The following BOLA3 variants were observed in gnomAD, a reference collection of about 807,000 sequenced individuals.
BOLA3 encodes bolA family member 3, also known as bolA-like protein 3.
Under a neutral mutation model 14.5 loss-of-function variants are expected in BOLA3, and 8 were observed. That is an observed-to-expected ratio of 0.55 (90% CI 0.32 to 0.99). BOLA3 has a LOEUF of 0.99. BOLA3 is among the 50% of genes least tolerant of loss of function. BOLA3 has a pLI of 0.04. For synonymous variants in BOLA3, 42 were observed against 45.7 expected (o/e 0.92, Z 0.33); for missense variants, 115 against 138.2 (o/e 0.83, Z 0.84).
chr2:74,144,503 G>A (rs929625867), intron 2 of BOLA3, among the ~76,000 whole-genome samples: 1 of 152,144 alleles, frequency 6.6e-6, no homozygotes, highest in Non-Finnish European at 1.5e-5. Context: ...CACGCCACGG[G>A]CCGTTCTGTG....
chr2:74,147,596 G>A (rs1692570486), intron 1 of BOLA3: 2 of 577,462 alleles, frequency 3.5e-6, no homozygotes, highest in Non-Finnish European at 6.1e-6. Flanking sequence ...CACCCAGCTC[G>A]GGAGCTCCCC....
chr2:74,147,878 C>T lies in BOLA3; in HGVS notation c.-4G>A. The T allele has an allele frequency of 3.3e-6, 5 of 1,516,244 alleles. No homozygotes were observed. The highest frequency in any genetic ancestry group is 1.2e-5 in the South Asian group (1 of 81,960). 93.9% of individuals were successfully genotyped at this position (1,516,244 alleles called of 1,614,324 possible). On this transcript the variant is annotated 5_prime_UTR_variant, in exon 1 of 4. Coordinates refer to ENST00000327428, the MANE Select transcript of BOLA3 (RefSeq NM_212552.3). ...CGGCCGGGCTCCATGCAGCCATGCC[C>T]GGCCGACGTGACCCGCCGCCCGAGG...
chr2:74,137,588 A>T (rs1441013114), intron 3 of BOLA3, among the ~76,000 whole-genome samples: 1 of 139,146 alleles, frequency 7.2e-6, no homozygotes, highest in African/African-American at 3.1e-5. Context: ...TATTTAATTA[A>T]AAAAAAAAAA....
rs189030179 is a variant in BOLA3 at position 74,140,646 on chromosome 2, A to G, written c.258+1626T>C. ...AAGACCGTGAGGTGACACTCCCCCA[A>G]ACTGTGGGAATCACAGCCCTTCCCC... is the stretch of plus-strand genomic sequence containing the variant. On this transcript the variant is annotated intron_variant, in intron 3 of 3. Coordinates refer to ENST00000327428, the MANE Select transcript of BOLA3 (RefSeq NM_212552.3). Among the ~76,000 whole-genome samples the G allele has an allele frequency of 1.8e-4, 27 of 152,316 alleles. No individual in the cohort carries two copies. In the East Asian group the frequency reaches 3.9e-3, roughly 22 times the overall value.
chr2:74,135,613 T>C lies in BOLA3; in HGVS notation c.304A>G (p.Thr102Ala). The change falls in exon 4 of 4, where the codon ACC becomes GCC. Residue 102 changes from threonine to alanine, a missense_variant. Physicochemically the swap from Thr to Ala is moderately conservative, Grantham distance 58 (BLOSUM62 0). Transcript: ENST00000327428. The stretch of plus-strand genomic sequence containing the variant: ...CGTGGTCAGCGTTTGGGGACAGAGG[T>C]AAATATCCGCAATCCATGCATCTCT... The part of the protein sequence containing the change: ...IKEMHGLRIF[T>A]SVPKR 2 of 1,614,112 alleles carry C rather than the reference T, an allele frequency of 1.2e-6. No individual in the cohort carries two copies. Among genetic ancestry groups the C allele is most frequent in the Non-Finnish European group, 1.7e-6 (2 of 1,179,976 alleles).
At chr2:74,136,002 T>A (rs1267405634) in intron 3 of BOLA3, among the ~76,000 whole-genome samples, 1 of 149,536 alleles carries the variant, frequency 6.7e-6, no homozygotes. Context: ...GAAGTTGGAG[T>A]GCAGTGGCGC....
chr2:74,147,384 G>A (rs1692564673), intron 1 of BOLA3: 3 of 245,568 alleles, frequency 1.2e-5, no homozygotes, highest in Non-Finnish European at 2.4e-5. Context: ...GTTCTGCTCC[G>A]GTAGTGTGGG....
intron 3 of BOLA3, among the ~76,000 whole-genome samples, chr2:74,139,097 C>T (rs1046194966): frequency 2.0e-5 from 3 of 152,124 alleles, no homozygotes; most frequent in South Asian, 2.1e-4. Flanking sequence ...CTGAGCCCCG[C>T]GCAGCAGGGT....
chr2:74,136,762 A>ATTCTTTAAAATGAGCAG (rs1427459292), intron 3 of BOLA3, among the ~76,000 whole-genome samples: 66 of 152,352 alleles, frequency 4.3e-4, no homozygotes, highest in Admixed American at 2.2e-3. Context: ...AGCATCAAGC[A>ATTCTTTAAAATGAGCAG]TTCTTTAAAA....
chr2:74,144,630 G>A (rs2103654969), intron 2 of BOLA3, among the ~76,000 whole-genome samples: 1 of 152,298 alleles, frequency 6.6e-6, no homozygotes, highest in East Asian at 1.9e-4. Flanking sequence ...AGGTGCCAGT[G>A]GCCACCTGAG....
intron 3 of BOLA3, among the ~76,000 whole-genome samples, chr2:74,137,985 T>C (rs919344043): frequency 2.6e-5 from 4 of 152,186 alleles, no homozygotes; most frequent in African/African-American, 4.8e-5. Context: ...GAGGGCCCAG[T>C]CACACCTTCA....
Position 74,145,282 on chromosome 2 carries a change from A to G in BOLA3, c.76T>C (p.Phe26Leu), listed in dbSNP as rs965127002. Residue 26 changes from phenylalanine (F) to leucine (L), a missense_variant, in exon 2 of 4, where the codon TTT becomes CTT. Coordinates refer to ENST00000327428, the MANE Select transcript of BOLA3 (RefSeq NM_212552.3). ...AGCTCCCCCTCAGTCTGAGTGGCAA[A>G]CATCCGATGGTGAAGTGGAAGCTGC... Reference protein sequence around the residue: ...IRGLPLHHRMFATQTEGELRV... With the variant: ...IRGLPLHHRMLATQTEGELRV... The G allele has an allele frequency of 4.0e-5, 65 of 1,607,014 alleles. No homozygotes were observed. The highest frequency in any genetic ancestry group is 5.5e-5 in the Non-Finnish European group (64 of 1,173,560).
In BOLA3 at chr2:74,136,716, G is replaced by A. The variant is rs143067941; in HGVS notation, c.259-1058C>T. Among the ~76,000 whole-genome samples the A allele has an allele frequency of 2.0e-4, 31 of 152,298 alleles. No individual in the cohort carries two copies. In the East Asian group the frequency reaches 5.0e-3, roughly 25 times the overall value. Reference sequence around the variant, plus strand: ...ATAACTTTTCAACCTGTCCCCTAGCGAACTTTTAGGCTGTTTCCTGTGTTT... The same window carrying A: ...ATAACTTTTCAACCTGTCCCCTAGCAAACTTTTAGGCTGTTTCCTGTGTTT... On this transcript the variant is annotated intron_variant, in intron 3 of 3. Transcript: ENST00000327428.
chr2:74,138,417 G>A (rs1040311418), intron 3 of BOLA3, among the ~76,000 whole-genome samples: 2 of 152,370 alleles, frequency 1.3e-5, no homozygotes, highest in South Asian at 4.1e-4. Context: ...TGCTTCCGGT[G>A]TTCGAGGTGA....
In BOLA3 at chr2:74,135,657, G is replaced by T; in HGVS notation, c.260C>A (p.Ala87Glu). The T allele has an allele frequency of 6.2e-7, 1 of 1,606,930 alleles. No individual in the cohort carries two copies. Among genetic ancestry groups the T allele is most frequent in the Non-Finnish European group, 8.5e-7 (1 of 1,173,574 alleles). ...TVQQHQMVNQ[A>E]LKEEIKEMHG... is the part of the protein sequence containing the mutation. The stretch of plus-strand genomic sequence containing the variant: ...CATCTCTTTGATTTCTTCTTTTAGT[G>T]CCTAAGTAAGAAAACAGCATCATCA... Residue 87 changes from alanine to glutamate, a missense_variant and splice_region_variant, in exon 4 of 4, where the codon GCA becomes GAA. Transcript: ENST00000327428.
intron 3 of BOLA3, among the ~76,000 whole-genome samples, chr2:74,138,943 C>G (rs1692386394): frequency 6.6e-6 from 1 of 152,220 alleles, no homozygotes; most frequent in Admixed American, 6.5e-5. Flanking sequence ...CTTGCTGACA[C>G]CTCCCCAGGA....
chr2:74,135,600 T>C lies in BOLA3; in HGVS notation c.317A>G (p.Lys106Arg), dbSNP rs376876176. The change falls in exon 4 of 4, where the codon AAA becomes AGA. Residue 106 changes from lysine to arginine, a missense_variant. Transcript: ENST00000327428. ...TATGCAGCCAGGGCGTGGTCAGCGT[T>C]TGGGGACAGAGGTAAATATCCGCAA... is the stretch of plus-strand genomic sequence containing the variant. ...HGLRIFTSVP[K>R]R The C allele has an allele frequency of 3.3e-5, 53 of 1,613,978 alleles. No homozygotes were observed. The highest frequency in any genetic ancestry group is 3.4e-5 in the Non-Finnish European group (40 of 1,180,008).
chr2:74,144,035 T>C (rs1475109018), intron 2 of BOLA3, among the ~76,000 whole-genome samples: 2 of 135,538 alleles, frequency 1.5e-5, no homozygotes, highest in African/African-American at 5.7e-5. Context: ...AGACACAGTC[T>C]CGCTCTGTCA....
intron 3 of BOLA3, among the ~76,000 whole-genome samples, chr2:74,139,344 G>A (rs945262898): frequency 3.3e-5 from 5 of 152,070 alleles, no homozygotes; most frequent in African/African-American, 1.2e-4. Context: ...AGGACACCAG[G>A]CCCCCACCCA....
Sources: gnomAD v4.1 joint callset for allele counts (sites outside exome capture counted in the v4.1 genomes callset) on GRCh38, gnomAD v4.1.1 for gene constraint, MANE v1.5 for transcripts, NCBI Gene and HGNC (gene_info 2026-07-23, HGNC 2026-07-21) for gene names.